Variants in ANK1 observed in about 807,000 individuals in gnomAD.
ANK1 encodes the protein ankyrin 1, also known as ankyrin-1.
A neutral mutation model predicts 210.4 loss-of-function variants in ANK1; 51 were observed. The observed-to-expected ratio is 0.24, with a 90% CI of 0.19 to 0.31. The LOEUF (loss-of-function observed/expected upper bound fraction) is 0.31. Ranked by LOEUF, ANK1 falls within the 10% of genes least tolerant of loss-of-function variation. The pLI, the probability that ANK1 is intolerant of heterozygous loss-of-function variation, is 1.00. For synonymous variants in ANK1, 967 were observed against 1,025.9 expected (o/e 0.94, Z 1.10); for missense variants, 2,051 against 2,504.4 (o/e 0.82, Z 3.86).
At chr8:41,703,420 G>GTATATATATA (rs1431513474) in intron 20 of ANK1, among the ~76,000 whole-genome samples, 1 of 51,120 alleles carries the variant, frequency 2.0e-5, no homozygotes, top group African/African-American at 5.9e-5. Context: ...GTGTGTGTGT[G>GTATATATATA]TGTATATATA....
At chr8:41,811,928 C>T (rs1802555772) in intron 1 of ANK1, among the ~76,000 whole-genome samples, 1 of 152,160 alleles carries the variant, frequency 6.6e-6, no homozygotes. Flanking sequence ...AGACAAAGAG[C>T]AATTATAGCC....
intron 1 of ANK1, among the ~76,000 whole-genome samples, chr8:41,837,619 C>T (rs542021068): frequency 5.9e-5 from 9 of 152,290 alleles, no homozygotes; most frequent in African/African-American, 1.9e-4. Context: ...CGCCTGTAAT[C>T]CCAGCACTTT....
rs559954928 is a variant in ANK1, at chr8:41,831,159, G to A, written c.126+65196C>T. 6.6e-5 allele frequency among the ~76,000 whole-genome samples: 10 copies of A among 152,246 alleles called. No homozygotes were observed. In the South Asian group the frequency reaches 1.2e-3, roughly 19 times the overall value. ...CGACCTTCCTTAAAACTATGGACTC[G>A]TCATCTGACCTCTCAAGGCCTCCAT... On this transcript the variant is annotated intron_variant, in intron 1 of 42. Coordinates refer to the ANK1 transcript ENST00000265709.
chr8:41,803,039 A>AAGAAAGAAAGAG (rs747913358), intron 1 of ANK1, among the ~76,000 whole-genome samples: 4 of 68,894 alleles, frequency 5.8e-5, no homozygotes, highest in Non-Finnish European at 1.2e-4. Context: ...GAAAGAAAGA[A>AAGAAAGAAAGAG]AGAGAAAGAA....
intron 37 of ANK1, 139 bp from the exon 38 acceptor site, chr8:41,673,051 G>A: frequency 1.1e-6 from 1 of 932,594 alleles, no homozygotes; most frequent in South Asian, 1.6e-5. Context: ...GTGGGTTGGG[G>A]GCTTTCCAAG....
rs886062936 is a variant in ANK1 at position 41,655,139 on chromosome 8, T to G, written c.*651A>C. ...TCAGTGGAGGCGAGTGGTGTGTGTG[T>G]GTGTGTGTGTGTGTCCTGAATGTCA... On this transcript the variant is annotated 3_prime_UTR_variant, in exon 43 of 43. Coordinates refer to ENST00000289734, the MANE Select transcript of ANK1 (RefSeq NM_000037.4). 2 of 140,858 alleles carry G rather than the reference T, an allele frequency of 1.4e-5. No homozygotes were observed. The highest frequency in any genetic ancestry group is 3.1e-5 in the Non-Finnish European group (2 of 63,720). The allele number at this position is 140,858 out of a possible 1,614,324, so 8.7% of individuals were successfully genotyped here. A position where few individuals can be genotyped will look rare whatever the true frequency, so the allele number is the denominator to read the frequency against.
chr8:41,785,563 A>G (rs149043298), intron 1 of ANK1, among the ~76,000 whole-genome samples: 1 of 152,140 alleles, frequency 6.6e-6, no homozygotes, highest in Non-Finnish European at 1.5e-5. Context: ...ATGGGGATGA[A>G]ATGCGCTCCT....
At chr8:41,765,495 C>G (rs1158305000) in intron 1 of ANK1, among the ~76,000 whole-genome samples, 1 of 152,168 alleles carries the variant, frequency 6.6e-6, no homozygotes, top group Admixed American at 6.5e-5. Context: ...AATCTTCCCA[C>G]CTCCACCTCC....
chr8:41,866,686 C>T (rs71521557), intron 1 of ANK1, among the ~76,000 whole-genome samples: 1,993 of 152,362 alleles, frequency 0.013, 15 homozygotes, highest in Middle Eastern at 0.034. Context: ...GTGCATTTCA[C>T]TACTCTAGGA....
intron 1 of ANK1, among the ~76,000 whole-genome samples, chr8:41,781,512 C>G (rs544177438): frequency 6.6e-6 from 1 of 151,930 alleles, no homozygotes; most frequent in Non-Finnish European, 1.5e-5. Flanking sequence ...TTTTCACCAC[C>G]CTGCCCTCCC....
rs1249807361 is a variant in ANK1, at chr8:41,690,327, T to G, written c.4004A>C (p.Glu1335Ala). 1 of 1,614,218 alleles carries G rather than the reference T, an allele frequency of 6.2e-7. No homozygotes were observed. Among genetic ancestry groups the G allele is most frequent in the Non-Finnish European group, 8.5e-7 (1 of 1,180,038 alleles). The part of the protein sequence containing the change: ...MPVKVRDSSR[E>A]PGGSLSFLRK... ...CAGAAACGACAGGGACCCTCCCGGC[T>G]CTCGACTGCTGTCCCTCACCTAAAC... The change falls in exon 33 of 43, where the codon GAG (glutamate) becomes GCG (alanine). Residue 1335 changes from glutamate to alanine, a missense_variant. Transcript: ENST00000289734.
chr8:41,844,516 A>C (rs577653705), intron 1 of ANK1, among the ~76,000 whole-genome samples: 3 of 149,742 alleles, frequency 2.0e-5, no homozygotes, highest in Middle Eastern at 3.4e-3. Flanking sequence ...CCCACCACAC[A>C]CCCCCCACAC....
chr8:41,892,127 T>A (rs1316174318), intron 1 of ANK1, among the ~76,000 whole-genome samples: 5 of 152,094 alleles, frequency 3.3e-5, no homozygotes, highest in Non-Finnish European at 5.9e-5. Context: ...GCCAACATGA[T>A]TCTAATGCTT....
At chr8:41,770,460 G>A (rs758122129) in intron 1 of ANK1, among the ~76,000 whole-genome samples, 5 of 152,244 alleles carry the variant, frequency 3.3e-5, no homozygotes, top group African/African-American at 7.2e-5. Context: ...ATTCCCAGTC[G>A]CATTTTGGTA....
intron 1 of ANK1, among the ~76,000 whole-genome samples, chr8:41,866,130 T>C (rs149670702): frequency 4.5e-4 from 68 of 152,326 alleles, no homozygotes; most frequent in Non-Finnish European, 9.1e-4. Flanking sequence ...TTGCTTCCTC[T>C]TTTCTCTTAG....
At chr8:41,693,825 G>A (rs1820011682) in intron 29 of ANK1, 73 bp downstream of exon 29, 15 of 1,507,632 alleles carry the variant, frequency 9.9e-6, no homozygotes, top group East Asian at 4.9e-5. Flanking sequence ...TCGCCTTCTC[G>A]AGTCACCCCC....
intron 1 of ANK1, among the ~76,000 whole-genome samples, chr8:41,869,353 C>T (rs777540947): frequency 2.0e-5 from 3 of 152,130 alleles, no homozygotes; most frequent in Non-Finnish European, 4.4e-5. Flanking sequence ...GATTTGAGGA[C>T]CCCATCCTCT....
chr8:41,835,499 C>T lies in ANK1; in HGVS notation c.126+60856G>A, dbSNP rs576258850. ...TAAATTAAAAAAAAAAGCTAGCAGG[C>T]GTATATTCTGCAAAGACCTTCGGGC... is the stretch of plus-strand genomic sequence containing the variant. On this transcript the variant is annotated intron_variant, in intron 1 of 42. Coordinates refer to the ANK1 transcript ENST00000265709. Among the ~76,000 whole-genome samples, 16 of 151,942 alleles carry T rather than the reference C, an allele frequency of 1.1e-4. No individual in the cohort carries two copies. In the South Asian group the frequency reaches 2.7e-3, roughly 26 times the overall value.
At chr8:41,698,324 T>C (rs558463855) in intron 23 of ANK1, among the ~76,000 whole-genome samples, 1 of 152,336 alleles carries the variant, frequency 6.6e-6, no homozygotes, top group Admixed American at 6.5e-5. Flanking sequence ...TTCTCTACCT[T>C]TAGAACCTGT....
Sources: gnomAD v4.1 joint callset for allele counts (sites outside exome capture counted in the v4.1 genomes callset) on GRCh38, gnomAD v4.1.1 for gene constraint, MANE v1.5 for transcripts, NCBI Gene and HGNC (gene_info 2026-07-23, HGNC 2026-07-21) for gene names.